Variants in EXOSC9 observed in about 807,000 individuals in gnomAD.
EXOSC9 encodes exosome complex component RRP45.
Under a neutral mutation model 56.5 loss-of-function variants are expected in EXOSC9, and 38 were observed. The ratio of observed to expected loss-of-function variants is 0.67; its 90% CI spans 0.52 to 0.88. The LOEUF is 0.88. EXOSC9 is among the 40% of genes least tolerant of loss of function. The pLI is 0.00. For missense variants in EXOSC9, 559 were observed against 530.5 expected (o/e 1.05, Z -0.53); for synonymous variants, 170 against 170.8 (o/e 0.99, Z 0.04).
intron 5 of EXOSC9, among the ~76,000 whole-genome samples, chr4:121,807,291 CA>C (rs942774779): frequency 3.5e-5 from 5 of 143,602 alleles, no homozygotes; most frequent in Non-Finnish European, 6.1e-5. Flanking sequence ...ACTTCATCTC[CA>C]AAAAAAAAAG....
intron 8 of EXOSC9, 60 bp downstream of exon 8, chr4:121,811,731 T>C: frequency 1.2e-6 from 1 of 831,382 alleles, no homozygotes; most frequent in Non-Finnish European, 1.8e-6. Context: ...TTTTTATTAT[T>C]TTTTTTAGTA....
chr4:121,813,793 A>T, intron 9 of EXOSC9, 73 bp from the exon 10 acceptor site: 1 of 1,141,788 alleles, frequency 8.8e-7, no homozygotes, highest in South Asian at 1.5e-5. Flanking sequence ...ACAAGAAGAA[A>T]ACTTTCATTC....
In EXOSC9 at chr4:121,811,668, TAAGG is replaced by T; in HGVS notation, c.825_827+1del. ...AAAGCTTTGGAGAATGACCAAAAAG[TAAGG>T]TAAGTAACTTTTCCAGAACTAAGTG... is the stretch of plus-strand genomic sequence containing the variant. On this transcript the variant is annotated splice_donor_variant and coding_sequence_variant, in exon 8 of 12. Coordinates refer to ENST00000243498, the MANE Select transcript of EXOSC9 (RefSeq NM_005033.3). LOFTEE classifies it high-confidence loss of function. 6.6e-7 allele frequency: 1 copy of T among 1,522,400 alleles called. No homozygotes were observed. The highest frequency in any genetic ancestry group is 8.9e-7 in the Non-Finnish European group (1 of 1,122,386). The allele number at this position is 1,522,400 out of a possible 1,614,324, so 94.3% of individuals were successfully genotyped here.
At chr4:121,802,628 G>T in intron 2 of EXOSC9, 46 bp from the exon 3 acceptor site, 1 of 1,585,982 alleles carries the variant, frequency 6.3e-7, no homozygotes. Flanking sequence ...TTTTGTTTTG[G>T]AAGGAGAGTC....
At chr4:121,805,314 A>C (rs1296358568) in intron 5 of EXOSC9, among the ~76,000 whole-genome samples, 1 of 152,236 alleles carries the variant, frequency 6.6e-6, no homozygotes, top group Non-Finnish European at 1.5e-5. Context: ...GGTAATACTG[A>C]TGTTGCTGGT....
chr4:121,813,736 TAA>T (rs1724343629), intron 9 of EXOSC9, 128 bp from the exon 10 acceptor site: 1 of 643,120 alleles, frequency 1.6e-6, no homozygotes, highest in Non-Finnish European at 2.6e-6. Flanking sequence ...GTAGCTATAT[TAA>T]GTTTTTTTTC....
At position 121,813,354 on chromosome 4, in the gene EXOSC9, T is replaced by G; in HGVS notation, c.948T>G (p.Ile316Met). Residue 316 changes from isoleucine to methionine, a missense_variant, in exon 9 of 12, where the codon ATT becomes ATG. Physicochemically the swap from Ile to Met is conservative, Grantham distance 10. Coordinates refer to ENST00000243498, the MANE Select transcript of EXOSC9 (RefSeq NM_005033.3). ...SDVEEKAEEI[I>M]AEAEPPSEVV... ...TAGAAGAAAAAGCAGAAGAAATCAT[T>G]GCTGAAGCAGAACCTCCTTCAGAAG... 1 of 1,613,462 alleles carries G rather than the reference T, an allele frequency of 6.2e-7. No homozygotes were observed. The highest frequency in any genetic ancestry group is 8.5e-7 in the Non-Finnish European group (1 of 1,179,800).
Position 121,803,024 on chromosome 4 carries a change from A to C in EXOSC9, c.384+7A>C. 1 of 1,569,244 alleles carries C rather than the reference A, an allele frequency of 6.4e-7. No individual in the cohort carries two copies. Among genetic ancestry groups the C allele is most frequent in the East Asian group, 2.2e-5 (1 of 44,670 alleles). On this transcript the variant is annotated splice_region_variant and intron_variant, in intron 4 of 11. Coordinates refer to ENST00000243498, the MANE Select transcript of EXOSC9 (RefSeq NM_005033.3). ...TGTTGTTGCTGGTGAAAAGGTGGGG[A>C]ATATGCCCATAATTCTTAATCTTAG...
In EXOSC9 at chr4:121,801,388, C is replaced by T; in HGVS notation, c.-37C>T. 8.7e-6 allele frequency: 14 copies of T among 1,601,208 alleles called. No individual in the cohort carries two copies. The highest frequency in any genetic ancestry group is 1.2e-5 in the Non-Finnish European group (14 of 1,168,298). Reference sequence around the variant, plus strand: ...GAAAGATCGGGTTCCGTTTTTCCCGCGGATTCTGGTGCCTGTGGGGCCGGT... The same window carrying T: ...GAAAGATCGGGTTCCGTTTTTCCCGTGGATTCTGGTGCCTGTGGGGCCGGT... On this transcript the variant is annotated 5_prime_UTR_variant, in exon 1 of 12. Coordinates refer to ENST00000243498, the MANE Select transcript of EXOSC9 (RefSeq NM_005033.3).
Position 121,802,936 on chromosome 4 carries a change from G to A in EXOSC9, c.303G>A (p.Lys101=). The A allele has an allele frequency of 6.2e-7, 1 of 1,614,016 alleles. No homozygotes were observed. The highest frequency in any genetic ancestry group is 1.7e-5 in the Admixed American group (1 of 60,020). ...EPGRQSDLLV[K]LNRLMERCLR... ...ATAGGCAGTCAGATCTCTTGGTGAAGTTGAATCGACTCATGGAAAGATGTC... is the reference window on the plus strand; with the variant it reads ...ATAGGCAGTCAGATCTCTTGGTGAAATTGAATCGACTCATGGAAAGATGTC... Residue 101 remains lysine, a synonymous_variant, in exon 4 of 12, where the codon AAG becomes AAA. Coordinates refer to ENST00000243498, the MANE Select transcript of EXOSC9 (RefSeq NM_005033.3).
chr4:121,805,809 C>CT (rs1190137116), intron 5 of EXOSC9, among the ~76,000 whole-genome samples: 1,777 of 79,096 alleles, frequency 0.022, 23 homozygotes, highest in Middle Eastern at 0.053. Context: ...TTTTTTTTTT[C>CT]TTTTTTTTTT....
chr4:121,816,772 AAC>A lies in EXOSC9; in HGVS notation c.1240_1241del (p.Gln414AspfsTer12), dbSNP rs1724531226. ...EPDKNPKKIR[T>X]QTTSAKQEKA... ...AATTCTTACTTTGCTTTATTCACAG[AAC>A]ACAGACCACCAGTGCAAAACAAGAA... On this transcript the variant is annotated frameshift_variant and splice_region_variant, in exon 12 of 12. Transcript: ENST00000243498. LOFTEE classifies it high-confidence loss of function. 3 of 1,587,596 alleles carry A rather than the reference AAC, an allele frequency of 1.9e-6. No individual in the cohort carries two copies. The highest frequency in any genetic ancestry group is 1.9e-5 in the Admixed American group (1 of 53,986).
At chr4:121,814,307 A>G (rs1724392596) in intron 10 of EXOSC9, 1 of 214,974 alleles carries the variant, frequency 4.7e-6, no homozygotes, top group East Asian at 9.8e-5. Flanking sequence ...TTTAAATTTC[A>G]ACTAAATTAT....
intron 8 of EXOSC9, 103 bp downstream of exon 8, chr4:121,811,774 C>A: frequency 4.0e-6 from 2 of 505,774 alleles, no homozygotes; most frequent in African/African-American, 2.0e-5. Flanking sequence ...AACTTGATTT[C>A]ACATACAAAG....
At chr4:121,807,035 G>A (rs886401049) in intron 5 of EXOSC9, among the ~76,000 whole-genome samples, 1 of 152,238 alleles carries the variant, frequency 6.6e-6, no homozygotes, top group East Asian at 1.9e-4. Flanking sequence ...GCTCACACCT[G>A]TAATTCCAGC....
chr4:121,801,900 T>G lies in EXOSC9; in HGVS notation c.140T>G (p.Ile47Ser), dbSNP rs778689649. 4 of 1,613,394 alleles carry G rather than the reference T, an allele frequency of 2.5e-6. No homozygotes were observed. The highest frequency in any genetic ancestry group is 3.4e-6 in the Non-Finnish European group (4 of 1,179,322). Residue 47 changes from isoleucine to serine, a missense_variant, in exon 2 of 12, where the codon ATT (isoleucine) becomes AGT (serine). Coordinates refer to ENST00000243498, the MANE Select transcript of EXOSC9 (RefSeq NM_005033.3). The stretch of plus-strand genomic sequence containing the variant: ...TTTGGAACAGATTACGGATGCTGCA[T>G]TGTGGAACTTGGAAAAACAAGGTAA... ...ISFGTDYGCC[I>S]VELGKTRVLG...
chr4:121,804,806 G>T (rs776623542), intron 5 of EXOSC9, 47 bp downstream of exon 5: 7 of 1,495,918 alleles, frequency 4.7e-6, no homozygotes, highest in Admixed American at 4.0e-5. Flanking sequence ...TGAATGAGGA[G>T]GGTCTTAAAT....
chr4:121,816,250 C>T lies in EXOSC9; in HGVS notation c.1157-119C>T, dbSNP rs147823966. ...TGGGTATTAAAAGTGTGAGCCACCA[C>T]GCCCAGCCCCAGAAATAAGAGTTTA... On this transcript the variant is annotated intron_variant, in intron 10 of 11. Transcript: ENST00000243498. The T allele has an allele frequency of 3.5e-4, 229 of 658,220 alleles. No homozygotes were observed. In the East Asian group the frequency reaches 6.0e-3, roughly 17 times the overall value. The allele number at this position is 658,220 out of a possible 1,614,324, so 40.8% of individuals were successfully genotyped here. A position where few individuals can be genotyped will look rare whatever the true frequency, so the allele number is the denominator to read the frequency against.
Position 121,802,908 on chromosome 4 carries a change from C to T in EXOSC9, c.282-7C>T, listed in dbSNP as rs1307355020. 1 of 1,612,778 alleles carries T rather than the reference C, an allele frequency of 6.2e-7. No homozygotes were observed. Among genetic ancestry groups the T allele is most frequent in the Non-Finnish European group, 8.5e-7 (1 of 1,178,988 alleles). ...GACATTAGCCCATTCCTATTTTCTC[C>T]TTATAGGCAGTCAGATCTCTTGGTG... On this transcript the variant is annotated splice_region_variant and splice_polypyrimidine_tract_variant and intron_variant, in intron 3 of 11. Transcript: ENST00000243498.
Sources: gnomAD v4.1 joint callset for allele counts (sites outside exome capture counted in the v4.1 genomes callset) on GRCh38, gnomAD v4.1.1 for gene constraint, MANE v1.5 for transcripts, NCBI Gene and HGNC (gene_info 2026-07-23, HGNC 2026-07-21) for gene names.